The following DERA variants were observed in gnomAD, a reference collection of about 807,000 sequenced individuals.
DERA encodes the protein 2-deoxy-D-ribose 5-phosphate aldolase.
DERA carries 15 observed loss-of-function variants against 41.1 expected under a neutral mutation model. The ratio of observed to expected loss-of-function variants is 0.37; its 90% CI spans 0.24 to 0.56. The LOEUF (loss-of-function observed/expected upper bound fraction) is 0.56, where lower values mean the gene tolerates loss of function less well. Ranked by LOEUF, DERA falls within the 20% of genes least tolerant of loss-of-function variation. The pLI is 0.81. For missense variants in DERA, 396 were observed against 403.4 expected, an observed-to-expected ratio of 0.98 and a Z score of 0.16; for synonymous variants, 139 against 137.4, an observed-to-expected ratio of 1.01 and a Z score of -0.08.
In DERA at chr12:15,958,230, A is replaced by ATATCAT. The variant is rs780947296; in HGVS notation, c.172_173insTATCAT (p.Thr58delinsIleSerSer). Reference sequence around the variant, plus strand: ...AGCTGTTACCTTTATAGATCTTACTACACTTTCAGGTGATGATACATCTTC... The same window carrying ATATCAT: ...AGCTGTTACCTTTATAGATCTTACTATATCATCACTTTCAGGTGATGATACATCTTC... On this transcript the variant is annotated protein_altering_variant, in exon 3 of 9. Transcript: ENST00000428559. The ATATCAT allele has an allele frequency of 5.7e-6, 9 of 1,590,364 alleles. No individual in the cohort carries two copies. The highest frequency in any genetic ancestry group is 7.7e-6 in the Non-Finnish European group (9 of 1,167,360).
chr12:15,913,979 A>T lies in DERA; in HGVS notation c.31+2565A>T, dbSNP rs144270430. Among the ~76,000 whole-genome samples, 60 of 152,316 alleles carry T rather than the reference A, an allele frequency of 3.9e-4. No homozygotes were observed. The East Asian group carries it at 5.2e-3, about 13-fold the overall frequency. ...ATATTCTTCTATTTTATTAGATGCC[A>T]CTTAACTATTGCCTAAAATGCAGGT... is the stretch of plus-strand genomic sequence containing the variant. On this transcript the variant is annotated intron_variant, in intron 1 of 8. Transcript: ENST00000428559. The surrounding 1 kb of genome is among the most constrained non-coding windows in gnomAD (Gnocchi z 4.5).
At position 15,957,028 on chromosome 12, in the gene DERA, T is replaced by G. The variant is rs761047506; in HGVS notation, c.124T>G (p.Trp42Gly). The G allele has an allele frequency of 1.2e-6, 2 of 1,612,996 alleles. No homozygotes were observed. Among genetic ancestry groups the G allele is most frequent in the Non-Finnish European group, 1.7e-6 (2 of 1,179,432 alleles). The change falls in exon 2 of 9, where the codon TGG becomes GGG. Residue 42 changes from tryptophan to glycine, a missense_variant. Transcript: ENST00000428559. This position sits in a 1 kb window ranked among gnomAD's most constrained non-coding sequence, Gnocchi z 4.8. ...IQARRTVKKE[W>G]QAAWLLKAVT... is the part of the protein sequence containing the mutation. ...GGCTCGCAGAACCGTGAAAAAGGAG[T>G]GGCAGGTAAGGGTTCTTCTTGAGCA... is the stretch of plus-strand genomic sequence containing the variant.
Position 15,911,765 on chromosome 12 carries a change from TA to T in DERA, c.31+356del, listed in dbSNP as rs756410774. The T allele has an allele frequency of 5.3e-6, 3 of 563,126 alleles. No homozygotes were observed. Among genetic ancestry groups the T allele is most frequent in the African/African-American group, 3.7e-5 (2 of 53,822 alleles). 34.9% of individuals were successfully genotyped at this position (563,126 alleles called of 1,614,324 possible). A position where few individuals can be genotyped will look rare whatever the true frequency, so the allele number is the denominator to read the frequency against. ...CAACCCCCAAGCAGGTAAAAACAGATAAAAACCTTCTTTCTCCTCCTTTTAA... is the reference window on the plus strand; with the variant it reads ...CAACCCCCAAGCAGGTAAAAACAGATAAAACCTTCTTTCTCCTCCTTTTAA... On this transcript the variant is annotated intron_variant, in intron 1 of 8. Coordinates refer to ENST00000428559, the MANE Select transcript of DERA (RefSeq NM_015954.4). The surrounding 1 kb of genome is among the most constrained non-coding windows in gnomAD (Gnocchi z 4.5).
rs77416081 is a variant in DERA, at chr12:15,965,301, T to C, written c.508+2354T>C. On this transcript the variant is annotated intron_variant, in intron 5 of 8. Transcript: ENST00000428559. The surrounding 1 kb of genome is among the most constrained non-coding windows in gnomAD (Gnocchi z 4.1). ...GCACAATAGAAAGAACCCCATTTTA[T>C]TTTTTAAGTTCTGGGGTACATGTGC... Among the ~76,000 whole-genome samples the C allele has an allele frequency of 2.1e-3, 313 of 152,318 alleles. 1 individual carries two copies. Among genetic ancestry groups the C allele is most frequent in the Non-Finnish European group, 3.9e-3 (266 of 68,032 alleles).
chr12:16,003,442 A>C lies in DERA; in HGVS notation c.637+21006A>C, dbSNP rs895849032. Among the ~76,000 whole-genome samples, 2 of 152,124 alleles carry C rather than the reference A, an allele frequency of 1.3e-5. No individual in the cohort carries two copies. Among genetic ancestry groups the C allele is most frequent in the African/African-American group, 4.8e-5 (2 of 41,414 alleles). The stretch of plus-strand genomic sequence containing the variant: ...TTCAATCCACAACAAATGAGTTCAA[A>C]ATGAGGAAAGCAAAACTGGAGTTCA... On this transcript the variant is annotated intron_variant, in intron 6 of 8. Transcript: ENST00000428559. The surrounding 1 kb of genome is among the most constrained non-coding windows in gnomAD (Gnocchi z 4.8).
In DERA at chr12:15,940,845, T is replaced by A. The variant is rs1948403596; in HGVS notation, c.32-16091T>A. Among the ~76,000 whole-genome samples the A allele has an allele frequency of 6.6e-6, 1 of 152,206 alleles. No homozygotes were observed. The highest frequency in any genetic ancestry group is 1.5e-5 in the Non-Finnish European group (1 of 68,028). On this transcript the variant is annotated intron_variant, in intron 1 of 8. Coordinates refer to ENST00000428559, the MANE Select transcript of DERA (RefSeq NM_015954.4). The surrounding 1 kb of genome is among the most constrained non-coding windows in gnomAD (Gnocchi z 5.1). ...AATTTTTTGAGGTAGATACCGATGCTTTTTAGCAGATTTAGGTCATCCTGG... is the reference window on the plus strand; with the variant it reads ...AATTTTTTGAGGTAGATACCGATGCATTTTAGCAGATTTAGGTCATCCTGG...
In DERA at chr12:15,959,737, T is replaced by G; in HGVS notation, c.278-92T>G. On this transcript the variant is annotated intron_variant, in intron 3 of 8. Transcript: ENST00000428559. This position sits in a 1 kb window ranked among gnomAD's most constrained non-coding sequence, Gnocchi z 4.5. ...GGAATTATTTTTTTCTCATTTGATTTTTGCCAGTGTTGCGATATAAATAAT... is the reference window on the plus strand; with the variant it reads ...GGAATTATTTTTTTCTCATTTGATTGTTGCCAGTGTTGCGATATAAATAAT... 1.3e-6 allele frequency: 1 copy of G among 772,724 alleles called. No individual in the cohort carries two copies. Among genetic ancestry groups the G allele is most frequent in the Non-Finnish European group, 2.1e-6 (1 of 486,196 alleles). The allele number at this position is 772,724 out of a possible 1,614,324, so 47.9% of individuals were successfully genotyped here. A position where few individuals can be genotyped will look rare whatever the true frequency, so the allele number is the denominator to read the frequency against.
intron 1 of DERA, among the ~76,000 whole-genome samples, chr12:15,914,822 C>T (rs1203594170): frequency 6.6e-6 from 1 of 152,132 alleles, no homozygotes; most frequent in Non-Finnish European, 1.5e-5. Flanking sequence ...GTTGCCCAGG[C>T]TGGAGTGCGG....
rs1948966125 is a variant in DERA at position 16,014,286 on chromosome 12, T to C, written c.638-18256T>C. On this transcript the variant is annotated intron_variant, in intron 6 of 8. Coordinates refer to ENST00000428559, the MANE Select transcript of DERA (RefSeq NM_015954.4). The surrounding 1 kb of genome is among the most constrained non-coding windows in gnomAD (Gnocchi z 5.4). ...CTCCAGGGCATGTCAGAGATCTTCA[T>C]GGCAGTCTCTCCCATCACAGGCCAG... Among the ~76,000 whole-genome samples, 1 of 152,148 alleles carries C rather than the reference T, an allele frequency of 6.6e-6. No individual in the cohort carries two copies. Among genetic ancestry groups the C allele is most frequent in the Admixed American group, 6.5e-5 (1 of 15,274 alleles).
Position 15,930,555 on chromosome 12 carries a change from T to C in DERA, c.31+19141T>C, listed in dbSNP as rs532604242. ...TTTTAGATAAATAATCATAGACAAG[T>C]GTTCATACACTATTACTTAAGAACA... On this transcript the variant is annotated intron_variant, in intron 1 of 8. Transcript: ENST00000428559. Among the ~76,000 whole-genome samples, 5 of 152,312 alleles carry C rather than the reference T, an allele frequency of 3.3e-5. No individual in the cohort carries two copies. The East Asian group carries it at 7.7e-4, about 23-fold the overall frequency.
chr12:15,952,586 C>A (rs61909765), intron 1 of DERA, among the ~76,000 whole-genome samples: 6 of 152,154 alleles, frequency 3.9e-5, no homozygotes, highest in Non-Finnish European at 5.9e-5. Context: ...TTTTACTTAG[C>A]CAAGTGTACC....
In DERA at chr12:15,945,716, A is replaced by C. The variant is rs550494589; in HGVS notation, c.32-11220A>C. Among the ~76,000 whole-genome samples, 33 of 152,206 alleles carry C rather than the reference A, an allele frequency of 2.2e-4. No homozygotes were observed. The East Asian group carries it at 5.0e-3, about 23-fold the overall frequency. On this transcript the variant is annotated intron_variant, in intron 1 of 8. Transcript: ENST00000428559. ...CTCTTTTTCTAATTGAATACCCTTT[A>C]TTTCTTTCTCCTGCCTGATTGCCCT...
rs2136135846 is a variant in DERA at position 15,940,405 on chromosome 12, A to G, written c.32-16531A>G. Among the ~76,000 whole-genome samples the G allele has an allele frequency of 1.3e-5, 2 of 152,106 alleles. No homozygotes were observed. Among genetic ancestry groups the G allele is most frequent in the Middle Eastern group, 6.8e-3 (2 of 294 alleles). ...CTGGCTCTGTTACACAGGCTGGAGT[A>G]CAGTGGCATGATCTTGGCTCACTGC... On this transcript the variant is annotated intron_variant, in intron 1 of 8. Transcript: ENST00000428559. The surrounding 1 kb of genome is among the most constrained non-coding windows in gnomAD (Gnocchi z 5.1).
At chr12:16,029,680 C>T (rs1182060224) in intron 6 of DERA, among the ~76,000 whole-genome samples, 1 of 151,876 alleles carries the variant, frequency 6.6e-6, no homozygotes, top group Non-Finnish European at 1.5e-5. Context: ...CAGCACCTGC[C>T]CCTAAACGTC....
In DERA at chr12:15,983,080, A is replaced by T; in HGVS notation, c.637+644A>T. 6.6e-6 allele frequency among the ~76,000 whole-genome samples: 1 copy of T among 152,032 alleles called. No individual in the cohort carries two copies. The highest frequency in any genetic ancestry group is 3.2e-3 in the Middle Eastern group (1 of 316). ...TCTGACACATCTTCCCTCCATTCTA[A>T]GTGCTGCTGTCTTAGGCCACCATCC... On this transcript the variant is annotated intron_variant, in intron 6 of 8. Coordinates refer to ENST00000428559, the MANE Select transcript of DERA (RefSeq NM_015954.4). This position sits in a 1 kb window ranked among gnomAD's most constrained non-coding sequence, Gnocchi z 6.2.
intron 5 of DERA, among the ~76,000 whole-genome samples, chr12:15,963,715 T>C (rs1454054496): frequency 2.0e-5 from 3 of 152,206 alleles, no homozygotes; most frequent in Non-Finnish European, 4.4e-5. Flanking sequence ...GTATATTGTC[T>C]CTTTATATAT....
Position 16,021,305 on chromosome 12 carries a change from T to C in DERA, c.638-11237T>C, listed in dbSNP as rs996140401. On this transcript the variant is annotated intron_variant, in intron 6 of 8. Coordinates refer to ENST00000428559, the MANE Select transcript of DERA (RefSeq NM_015954.4). The surrounding 1 kb of genome is among the most constrained non-coding windows in gnomAD (Gnocchi z 5.3). ...TAGAAGCCTCAGCTGAAAGGACAAC[T>C]GATACAGCTCAGGCTGCTGCTGTGG... Among the ~76,000 whole-genome samples, 4 of 152,222 alleles carry C rather than the reference T, an allele frequency of 2.6e-5. No homozygotes were observed. The highest frequency in any genetic ancestry group is 5.9e-5 in the Non-Finnish European group (4 of 68,036).
chr12:15,959,900 G>A lies in DERA; in HGVS notation c.349G>A (p.Gly117Ser). 1 of 1,549,106 alleles carries A rather than the reference G, an allele frequency of 6.5e-7. No homozygotes were observed. The highest frequency in any genetic ancestry group is 8.7e-7 in the Non-Finnish European group (1 of 1,144,514). Residue 117 changes from glycine (G) to serine (S), a missense_variant, in exon 4 of 9, where the codon GGC becomes AGC. Coordinates refer to ENST00000428559, the MANE Select transcript of DERA (RefSeq NM_015954.4). This position sits in a 1 kb window ranked among gnomAD's most constrained non-coding sequence, Gnocchi z 4.5. ...CDAVKALKAAGCNIPVASVAA... is the reference protein window; with the variant it reads ...CDAVKALKAASCNIPVASVAA... ...TGCTGTAAAAGCACTCAAGGCTGCAGGCTGTAATATCCCTGTGGCATCAGG... is the reference window on the plus strand; with the variant it reads ...TGCTGTAAAAGCACTCAAGGCTGCAAGCTGTAATATCCCTGTGGCATCAGG...
rs1431651962 is a variant in DERA at position 15,998,924 on chromosome 12, A to C, written c.637+16488A>C. 6.6e-6 allele frequency among the ~76,000 whole-genome samples: 1 copy of C among 152,236 alleles called. No individual in the cohort carries two copies. Among genetic ancestry groups the C allele is most frequent in the African/African-American group, 2.4e-5 (1 of 41,472 alleles). ...GCATATACAGTGTTTTTCTAAGAGC[A>C]AGAATTTATATTTTAAATTTAGGTC... On this transcript the variant is annotated intron_variant, in intron 6 of 8. Transcript: ENST00000428559. This position sits in a 1 kb window ranked among gnomAD's most constrained non-coding sequence, Gnocchi z 4.8.
Sources: gnomAD v4.1 joint callset for allele counts (sites outside exome capture counted in the v4.1 genomes callset) on GRCh38, gnomAD v4.1.1 for gene constraint, Gnocchi (gnomAD v3.1) non-coding constraint, MANE v1.5 for transcripts, NCBI Gene and HGNC (gene_info 2026-07-23, HGNC 2026-07-21) for gene names.